Variants in C7orf57 observed in about 807,000 individuals in gnomAD.
C7orf57 encodes chromosome 7 open reading frame 57.
In C7orf57, 33 loss-of-function variants were observed where a neutral mutation model predicts 39.0. That is an observed-to-expected ratio of 0.85 (90% confidence interval 0.64 to 1.13). The LOEUF (loss-of-function observed/expected upper bound fraction) is 1.13, where lower values mean the gene tolerates loss of function less well. C7orf57 is among the 50% of genes most tolerant of loss of function. The pLI is 0.00. For synonymous variants in C7orf57, 124 were observed against 137.1 expected (o/e 0.90, Z 0.67); for missense variants, 346 against 362.3 (o/e 0.95, Z 0.37).
intron 2 of C7orf57, 72 bp downstream of exon 2, chr7:48,036,435 G>A: frequency 7.2e-7 from 1 of 1,379,464 alleles, no homozygotes; most frequent in Non-Finnish European, 9.7e-7. Context: ...GACACGCTGT[G>A]GACCCAACGT....
At chr7:48,059,746 C>T (rs759227859) in intron 8 of C7orf57, among the ~76,000 whole-genome samples, 17 of 152,216 alleles carry the variant, frequency 1.1e-4, no homozygotes, top group African/African-American at 3.1e-4. Context: ...GATGTTTTGA[C>T]GTGCCCTAAA....
intron 3 of C7orf57, 54 bp downstream of exon 3, chr7:48,041,573 G>A (rs1201792552): frequency 1.1e-5 from 15 of 1,386,724 alleles, no homozygotes; most frequent in Non-Finnish European, 1.5e-5. Flanking sequence ...GGTGAGGGGG[G>A]CGTTTGTTCC....
At chr7:48,051,347 ATT>A (rs71006546) in intron 6 of C7orf57, among the ~76,000 whole-genome samples, 10 of 69,766 alleles carry the variant, frequency 1.4e-4, no homozygotes, top group Non-Finnish European at 2.1e-4. Flanking sequence ...CAGCTGGCTA[ATT>A]TTTTTTTTTT....
chr7:48,041,268 G>A (rs1790537626), intron 2 of C7orf57, 66 bp from the exon 3 acceptor site: 3 of 1,435,594 alleles, frequency 2.1e-6, no homozygotes, highest in Non-Finnish European at 2.9e-6. Flanking sequence ...GAGATACTCT[G>A]GTAGAGGCCT....
At chr7:48,038,558 G>C (rs2128789891) in intron 2 of C7orf57, among the ~76,000 whole-genome samples, 1 of 152,296 alleles carries the variant, frequency 6.6e-6, no homozygotes, top group South Asian at 2.1e-4. Flanking sequence ...AGAGTGGTCT[G>C]GAGGAAGAAT....
chr7:48,055,435 A>G (rs935059169), intron 8 of C7orf57, among the ~76,000 whole-genome samples: 6 of 152,218 alleles, frequency 3.9e-5, no homozygotes, highest in African/African-American at 1.4e-4. Flanking sequence ...AATATCCATT[A>G]CCTCAAATAC....
intron 7 of C7orf57, among the ~76,000 whole-genome samples, chr7:48,053,893 T>C (rs1791034427): frequency 6.6e-6 from 1 of 152,240 alleles, no homozygotes; most frequent in Non-Finnish European, 1.5e-5. Context: ...GTTTTTACTC[T>C]TGAGGCTTGA....
chr7:48,059,597 C>A (rs772202556), intron 8 of C7orf57, among the ~76,000 whole-genome samples: 4 of 152,204 alleles, frequency 2.6e-5, no homozygotes, highest in Non-Finnish European at 5.9e-5. Context: ...GCAATCCACC[C>A]ACTTCAGCCT....
At chr7:48,052,513 G>A (rs927168959) in intron 6 of C7orf57, among the ~76,000 whole-genome samples, 187 bp from the exon 7 acceptor site, 48 of 152,084 alleles carry the variant, frequency 3.2e-4, no homozygotes, top group African/African-American at 1.1e-3. Flanking sequence ...AGACAGAGAA[G>A]CAGAGGGAGA....
intron 4 of C7orf57, among the ~76,000 whole-genome samples, chr7:48,045,772 TTCAGGGATCTGAAGGCTGAAGCATTCTAG>T (rs1790696446): frequency 6.6e-6 from 1 of 152,186 alleles, no homozygotes. Context: ...AGATGGTACC[TTCAGGGATCTGAAGGCTGAAGCATTCTAG>T]TGCCTTTGGA....
Position 48,045,444 on chromosome 7 carries a change from G to A in C7orf57, c.351-1016G>A, listed in dbSNP as rs1413773863. ...ATGGCTTCTCTTACTGGGTATCTGC[G>A]TCCACCTTCCAAGCCTGCATTTCCA... On this transcript the variant is annotated intron_variant, in intron 4 of 8. Transcript: ENST00000348904. 4.0e-5 allele frequency among the ~76,000 whole-genome samples: 6 copies of A among 151,866 alleles called. No homozygotes were observed. The East Asian group carries it at 1.2e-3, about 29-fold the overall frequency.
intron 6 of C7orf57, among the ~76,000 whole-genome samples, chr7:48,050,296 G>A (rs572768165): frequency 2.6e-5 from 4 of 152,170 alleles, no homozygotes; most frequent in Admixed American, 6.5e-5. Context: ...CACAGTTCAC[G>A]GGGACTGCTT....
chr7:48,048,436 T>C (rs1790778466), intron 5 of C7orf57, among the ~76,000 whole-genome samples: 1 of 152,150 alleles, frequency 6.6e-6, no homozygotes, highest in African/African-American at 2.4e-5. Context: ...TTCATGGGGG[T>C]CTTGCTCACC....
chr7:48,051,285 G>T (rs1291573690), intron 6 of C7orf57, among the ~76,000 whole-genome samples: 1 of 148,964 alleles, frequency 6.7e-6, no homozygotes, highest in Non-Finnish European at 1.5e-5. Context: ...AGGTTCAAGT[G>T]ATTCTCCTGC....
chr7:48,053,012 A>G, intron 7 of C7orf57, 89 bp downstream of exon 7: 1 of 1,026,372 alleles, frequency 9.7e-7, no homozygotes, highest in African/African-American at 1.6e-5. Context: ...TGCGTCTCGT[A>G]ATGAGAAATG....
intron 3 of C7orf57, among the ~76,000 whole-genome samples, chr7:48,043,009 G>A (rs1404290836): frequency 6.6e-6 from 1 of 152,166 alleles, no homozygotes; most frequent in Non-Finnish European, 1.5e-5. Context: ...ACCTGGAGGT[G>A]TGGCTTCTCC....
Position 48,044,184 on chromosome 7 carries a change from A to C in C7orf57, c.350+595A>C, listed in dbSNP as rs114180161. Among the ~76,000 whole-genome samples, 428 of 152,202 alleles carry C rather than the reference A, an allele frequency of 2.8e-3. 1 individual carries two copies. Among genetic ancestry groups the C allele is most frequent in the African/African-American group, 1.0e-2 (414 of 41,538 alleles). On this transcript the variant is annotated intron_variant, in intron 4 of 8. Coordinates refer to ENST00000348904, the MANE Select transcript of C7orf57 (RefSeq NM_001100159.3). ...TCCCTGGATCAGAAGTGCAGCGGAC[A>C]CTCTGCCGGATCCGGAGAGGTGGAA...
chr7:48,056,935 A>G (rs1476472044), intron 8 of C7orf57, among the ~76,000 whole-genome samples: 1 of 151,882 alleles, frequency 6.6e-6, no homozygotes, highest in Non-Finnish European at 1.5e-5. Flanking sequence ...AAATTAATTG[A>G]CTGTTAATGT....
In C7orf57 at chr7:48,041,394, C is replaced by T. The variant is rs1317008462; in HGVS notation, c.116C>T (p.Ser39Phe). Residue 39 changes from serine to phenylalanine, a missense_variant, in exon 3 of 9, where the codon TCC becomes TTC. Physicochemically the swap from Ser to Phe is radical, Grantham distance 155. Coordinates refer to ENST00000348904, the MANE Select transcript of C7orf57 (RefSeq NM_001100159.3). ...SEKAVDAPPA[S>F]QIPGLSNLGD... is the part of the protein sequence containing the mutation. ...AAGGCCGTGGATGCCCCACCAGCGT[C>T]CCAGATCCCAGGTCTCAGCAATTTG... 31 of 1,613,872 alleles carry T rather than the reference C, an allele frequency of 1.9e-5. No homozygotes were observed. Among genetic ancestry groups the T allele is most frequent in the Non-Finnish European group, 2.5e-5 (30 of 1,179,890 alleles).
Sources: allele counts gnomAD v4.1 joint callset (sites outside exome capture counted in the v4.1 genomes callset), GRCh38; gene constraint gnomAD v4.1.1; transcripts MANE v1.5; gene names NCBI Gene and HGNC (gene_info 2026-07-23, HGNC 2026-07-21).